Variants in AKAP19 observed in about 807,000 individuals in gnomAD.
The protein encoded by AKAP19 is small A-kinase anchoring protein.
chr2:190,016,788 G>A, the AKAP19 span, among the ~76,000 whole-genome samples: 5 of 152,120 alleles, frequency 3.3e-5, no homozygotes, highest in Non-Finnish European at 5.9e-5. Context: ...TTCTGTATAT[G>A]TCTGTTAGGT....
the AKAP19 span, among the ~76,000 whole-genome samples, chr2:189,902,905 A>T: frequency 3.9e-4 from 59 of 152,116 alleles, no homozygotes; most frequent in Admixed American, 1.4e-3. Context: ...TAAATAAAGT[A>T]AGTCTTTATT....
At chr2:190,092,791 C>T in the AKAP19 span, among the ~76,000 whole-genome samples, 1 of 152,056 alleles carries the variant, frequency 6.6e-6, no homozygotes, top group East Asian at 1.9e-4. Flanking sequence ...AAATCATTGT[C>T]GGTCTGATCT....
the AKAP19 span, among the ~76,000 whole-genome samples, chr2:189,926,636 A>G: frequency 8.3e-6 from 1 of 120,502 alleles, no homozygotes. Flanking sequence ...GCTGGAGTGC[A>G]GTGGCGCGAT....
the AKAP19 span, among the ~76,000 whole-genome samples, chr2:190,090,667 C>A: frequency 3.6e-3 from 553 of 152,248 alleles, 22 homozygotes; most frequent in East Asian, 0.081. Flanking sequence ...GTATCCCTTG[C>A]CTGATCATGT....
chr2:189,937,704 C>T, the AKAP19 span, among the ~76,000 whole-genome samples: 10 of 152,088 alleles, frequency 6.6e-5, no homozygotes, highest in East Asian at 1.9e-4. Flanking sequence ...ATCAAAACAA[C>T]GAGATATCAT....
the AKAP19 span, among the ~76,000 whole-genome samples, chr2:189,974,881 C>T: frequency 3.9e-3 from 591 of 152,256 alleles, 3 homozygotes; most frequent in Non-Finnish European, 5.8e-3. Flanking sequence ...TATCTCTGCA[C>T]GTGAGATGAG....
chr2:189,888,659 C>T, the AKAP19 span, among the ~76,000 whole-genome samples: 1 of 152,264 alleles, frequency 6.6e-6, no homozygotes, highest in Admixed American at 6.5e-5. Context: ...TCCTTCACAT[C>T]CCTTGTAAGT....
chr2:190,060,946 C>T, the AKAP19 span, among the ~76,000 whole-genome samples: 2 of 152,116 alleles, frequency 1.3e-5, no homozygotes, highest in East Asian at 3.9e-4. Flanking sequence ...ACATCTGTTA[C>T]ATTTTGGCTT....
the AKAP19 span, among the ~76,000 whole-genome samples, chr2:189,984,684 A>C: frequency 6.6e-6 from 1 of 152,230 alleles, no homozygotes; most frequent in Non-Finnish European, 1.5e-5. Context: ...AATCTTCACA[A>C]CTTATGTTTA....
At chr2:190,013,726 G>C in the AKAP19 span, among the ~76,000 whole-genome samples, 80 of 152,010 alleles carry the variant, frequency 5.3e-4, no homozygotes, top group South Asian at 2.7e-3. Context: ...CACTGTGTTA[G>C]CTAGGATGGT....
At chr2:190,038,901 T>TTTC in the AKAP19 span, among the ~76,000 whole-genome samples, 625 of 45,800 alleles carry the variant, frequency 0.014, 9 homozygotes, top group Admixed American at 0.015. Context: ...TCTTTCTTTC[T>TTTC]TTCTTCTTCT....
the AKAP19 span, among the ~76,000 whole-genome samples, chr2:190,108,275 C>A: frequency 6.6e-6 from 1 of 152,148 alleles, no homozygotes; most frequent in Non-Finnish European, 1.5e-5. Flanking sequence ...CCTGCCTCAG[C>A]CTCTTGAGTA....
chr2:190,121,569 CTTATT>C, the AKAP19 span, among the ~76,000 whole-genome samples: 2 of 152,040 alleles, frequency 1.3e-5, no homozygotes, highest in African/African-American at 4.8e-5. Context: ...GTTTCATTTC[CTTATT>C]TTATTTTCAT....
the AKAP19 span, among the ~76,000 whole-genome samples, chr2:189,921,896 G>A: frequency 6.6e-6 from 1 of 152,134 alleles, no homozygotes; most frequent in East Asian, 1.9e-4. Context: ...GACTGGGTTA[G>A]GCTCTGGGGA....
chr2:190,135,969 C>T, the AKAP19 span, among the ~76,000 whole-genome samples: 1 of 152,134 alleles, frequency 6.6e-6, no homozygotes, highest in Non-Finnish European at 1.5e-5. Flanking sequence ...TATGGGATAA[C>T]TAAATTTGAG....
chr2:189,990,716 T>A, the AKAP19 span, among the ~76,000 whole-genome samples: 1 of 152,192 alleles, frequency 6.6e-6, no homozygotes, highest in Non-Finnish European at 1.5e-5. Flanking sequence ...AAATTATTTA[T>A]TTTATTTCAA....
At chr2:190,107,666 G>A in the AKAP19 span, among the ~76,000 whole-genome samples, 2 of 152,122 alleles carry the variant, frequency 1.3e-5, no homozygotes, top group Non-Finnish European at 2.9e-5. Context: ...TACAAAGTCA[G>A]GCGTGGGTAT....
the AKAP19 span, among the ~76,000 whole-genome samples, chr2:190,035,821 GA>G: frequency 2.5e-4 from 38 of 152,322 alleles, no homozygotes; most frequent in South Asian, 8.3e-4. Flanking sequence ...CCAGGCGATA[GA>G]TAGTTAGGTT....
the AKAP19 span, among the ~76,000 whole-genome samples, chr2:190,121,731 C>T: frequency 6.6e-6 from 1 of 151,332 alleles, no homozygotes; most frequent in African/African-American, 2.4e-5. Context: ...GTAGACTTTT[C>T]AAAGGAATCA....
Sources: gnomAD v4.1 joint callset for allele counts (sites outside exome capture counted in the v4.1 genomes callset) on GRCh38, gnomAD v4.1.1 for gene constraint, MANE v1.5 for transcripts, NCBI Gene and HGNC (gene_info 2026-07-23, HGNC 2026-07-21) for gene names.